Variants in WWC2 observed in about 807,000 individuals in gnomAD.
The protein encoded by WWC2 is WW and C2 domain containing 2, also known as protein WWC2.
A neutral mutation model predicts 138.5 loss-of-function variants in WWC2; 101 were observed. The ratio of observed to expected loss-of-function variants is 0.73; its 90% CI spans 0.62 to 0.86. The LOEUF is 0.86. Among genes scored for constraint, WWC2 ranks in the 40% least tolerant of loss-of-function variants. WWC2 has a pLI of 0.00. For synonymous variants in WWC2, 558 were observed against 538.4 expected (o/e 1.04, Z -0.50); for missense variants, 1,420 against 1,419.4 (o/e 1.00, Z -0.01).
chr4:183,289,538 A>C lies in WWC2; in HGVS notation c.3287A>C (p.Lys1096Thr). Residue 1096 changes from lysine (K) to threonine (T), a missense_variant, in exon 21 of 23, where the codon AAG (lysine) becomes ACG (threonine). By Grantham distance (78) the Lys-to-Thr change is moderately conservative (BLOSUM62 -1). Coordinates refer to ENST00000403733, the MANE Select transcript of WWC2 (RefSeq NM_024949.6). ...CAGGCGCTGAGGGACTTGCGGCAGAAGCTGGAGGAACTGAAAGCTCAGGGA... is the reference window on the plus strand; with the variant it reads ...CAGGCGCTGAGGGACTTGCGGCAGACGCTGGAGGAACTGAAAGCTCAGGGA... ...ELQALRDLRQ[K>T]LEELKAQGET... 1 of 1,614,010 alleles carries C rather than the reference A, an allele frequency of 6.2e-7. No homozygotes were observed. The highest frequency in any genetic ancestry group is 8.5e-7 in the Non-Finnish European group (1 of 1,179,888).
Position 183,099,576 on chromosome 4 carries a change from A to C in WWC2, c.85A>C (p.Ile29Leu). ...GGACTACGACGGCAAGGTCTTCTAC[A>C]TTGACCACAACACCAGGAGGACCAG... is the stretch of plus-strand genomic sequence containing the variant. ...ARDYDGKVFY[I>L]DHNTRRTSWI... The change falls in exon 1 of 23, where the codon ATT becomes CTT. Residue 29 changes from isoleucine (I) to leucine (L), a missense_variant. Ile to Leu is a conservative substitution (Grantham distance 5). Transcript: ENST00000403733. 1 of 1,411,244 alleles carries C rather than the reference A, an allele frequency of 7.1e-7. No individual in the cohort carries two copies. Among genetic ancestry groups the C allele is most frequent in the Non-Finnish European group, 9.4e-7 (1 of 1,065,820 alleles). The allele number at this position is 1,411,244 out of a possible 1,614,324, so 87.4% of individuals were successfully genotyped here.
rs556631903 is a variant in WWC2 at position 183,104,787 on chromosome 4, A to G, written c.131+5165A>G. On this transcript the variant is annotated intron_variant, in intron 1 of 22. Coordinates refer to ENST00000403733, the MANE Select transcript of WWC2 (RefSeq NM_024949.6). ...AATGCTTGCTGGAGTGAACAGTACT[A>G]TAGTTGCTTAGTATATTGGAGGGTC... 1.5e-4 allele frequency among the ~76,000 whole-genome samples: 23 copies of G among 152,320 alleles called. 1 individual carries two copies. The highest frequency in any genetic ancestry group is 1.3e-3 in the Admixed American group (20 of 15,302).
At chr4:183,216,566 A>G (rs1204007232) in intron 4 of WWC2, among the ~76,000 whole-genome samples, 1 of 152,222 alleles carries the variant, frequency 6.6e-6, no homozygotes, top group Non-Finnish European at 1.5e-5. Flanking sequence ...ACAAAAATCT[A>G]GGAAACAGCT....
intron 9 of WWC2, among the ~76,000 whole-genome samples, chr4:183,254,519 T>C (rs1158783985): frequency 6.6e-6 from 1 of 152,230 alleles, no homozygotes; most frequent in Non-Finnish European, 1.5e-5. Flanking sequence ...GAAAATACTC[T>C]AGGCAATTTT....
chr4:183,224,761 A>T (rs1736024937), intron 4 of WWC2, among the ~76,000 whole-genome samples: 1 of 152,126 alleles, frequency 6.6e-6, no homozygotes, highest in African/African-American at 2.4e-5. Context: ...AGGTTTCACC[A>T]TGTTGGTCAG....
intron 1 of WWC2, among the ~76,000 whole-genome samples, chr4:183,119,883 C>A (rs1732545999): frequency 6.6e-6 from 1 of 152,102 alleles, no homozygotes; most frequent in East Asian, 1.9e-4. Context: ...TGTGGTCAGC[C>A]TTTAACCCCT....
intron 4 of WWC2, among the ~76,000 whole-genome samples, chr4:183,236,368 C>T (rs573795653): frequency 4.1e-4 from 62 of 152,112 alleles, no homozygotes; most frequent in Non-Finnish European, 7.9e-4. Context: ...CACAGAGACT[C>T]CAGGGGTGCC....
intron 21 of WWC2, among the ~76,000 whole-genome samples, chr4:183,300,750 C>CT (rs36125664): frequency 0.23 from 33,229 of 146,814 alleles, 3,686 homozygotes; most frequent in South Asian, 0.24. Context: ...CCCTGGTCAG[C>CT]TTTTTTTTTT....
At chr4:183,287,924 A>C (rs908803599) in intron 20 of WWC2, among the ~76,000 whole-genome samples, 2 of 152,202 alleles carry the variant, frequency 1.3e-5, no homozygotes, top group Non-Finnish European at 2.9e-5. Flanking sequence ...GGCCAACCCT[A>C]CAAGTCAGTG....
At chr4:183,246,974 T>C (rs185716873) in intron 6 of WWC2, among the ~76,000 whole-genome samples, 1 of 152,328 alleles carries the variant, frequency 6.6e-6, no homozygotes, top group Non-Finnish European at 1.5e-5. Flanking sequence ...TGGATTCATC[T>C]GCAGGCCTGA....
intron 14 of WWC2, 22 bp downstream of exon 14, chr4:183,265,973 C>A: frequency 6.3e-7 from 1 of 1,585,502 alleles, no homozygotes; most frequent in Non-Finnish European, 8.6e-7. Context: ...CAGCGAAGAT[C>A]AAATTGAGGA....
chr4:183,315,210 G>A (rs536850969), intron 22 of WWC2, among the ~76,000 whole-genome samples: 1 of 152,134 alleles, frequency 6.6e-6, no homozygotes, highest in Non-Finnish European at 1.5e-5. Context: ...CATTTGCGTC[G>A]TGGTGTCGCT....
At chr4:183,290,472 G>A (rs138453647) in intron 21 of WWC2, among the ~76,000 whole-genome samples, 2,391 of 151,136 alleles carry the variant, frequency 0.016, 31 homozygotes, top group East Asian at 0.082. Flanking sequence ...AGCTGAGATC[G>A]TGCCACTGCA....
At chr4:183,257,535 C>T (rs1001315996) in intron 9 of WWC2, among the ~76,000 whole-genome samples, 15 of 152,276 alleles carry the variant, frequency 9.9e-5, no homozygotes, top group African/African-American at 3.1e-4. Flanking sequence ...TCTCATCCAG[C>T]AGACCAACAG....
intron 1 of WWC2, among the ~76,000 whole-genome samples, chr4:183,158,657 A>C (rs2111134625): frequency 6.6e-6 from 1 of 152,220 alleles, no homozygotes; most frequent in South Asian, 2.1e-4. Flanking sequence ...GGGGGACACA[A>C]GTCAGCTCAT....
At chr4:183,145,391 G>A (rs923026000) in intron 1 of WWC2, among the ~76,000 whole-genome samples, 9 of 152,146 alleles carry the variant, frequency 5.9e-5, no homozygotes, top group African/African-American at 2.2e-4. Context: ...TTAAAGAAGA[G>A]TTTAAAAATA....
intron 4 of WWC2, among the ~76,000 whole-genome samples, chr4:183,214,621 C>T (rs926204510): frequency 1.2e-4 from 18 of 151,838 alleles, no homozygotes; most frequent in African/African-American, 2.4e-4. Flanking sequence ...GGAGAAACCC[C>T]GTCTCTACTA....
chr4:183,306,738 G>A (rs139161098), intron 21 of WWC2, among the ~76,000 whole-genome samples: 374 of 152,150 alleles, frequency 2.5e-3, no homozygotes, highest in Middle Eastern at 0.014. Context: ...TGTTGGCCAG[G>A]CTGGTCTCGA....
At chr4:183,118,119 C>T (rs543158073) in intron 1 of WWC2, among the ~76,000 whole-genome samples, 1 of 152,166 alleles carries the variant, frequency 6.6e-6, no homozygotes, top group South Asian at 2.1e-4. Flanking sequence ...TTTTTTTTAC[C>T]TCTACTCTTA....
Sources: allele counts gnomAD v4.1 joint callset (sites outside exome capture counted in the v4.1 genomes callset), GRCh38; gene constraint gnomAD v4.1.1; transcripts MANE v1.5; gene names NCBI Gene and HGNC (gene_info 2026-07-23, HGNC 2026-07-21).